Variants in BRINP2 observed in about 807,000 individuals in gnomAD.
BRINP2 encodes the protein BMP/retinoic acid inducible neural specific 2.
In BRINP2, 21 loss-of-function variants were observed where a neutral mutation model predicts 69.2. That is an observed-to-expected ratio of 0.30 (90% CI 0.22 to 0.44). BRINP2 has a LOEUF of 0.44. Among genes scored for constraint, BRINP2 ranks in the 20% least tolerant of loss-of-function variants. BRINP2 has a pLI of 1.00. For missense variants in BRINP2, 877 were observed against 986.0 expected, an observed-to-expected ratio of 0.89 and a Z score of 1.48; for synonymous variants, 380 against 394.1, an observed-to-expected ratio of 0.96 and a Z score of 0.42.
In BRINP2 at chr1:177,257,021, T is replaced by G. The variant is rs1238815918; in HGVS notation, c.461-155T>G. ...GGCCTGTGGCTCCCTCTGATGAGCT[T>G]CTTCTAAAGATGGTAAGGGCTGGGG... On this transcript the variant is annotated intron_variant, in intron 3 of 7. Coordinates refer to ENST00000361539, the MANE Select transcript of BRINP2 (RefSeq NM_021165.4). 4.6e-6 allele frequency: 7 copies of G among 1,534,542 alleles called. 1 individual carries two copies. Among genetic ancestry groups the G allele is most frequent in the South Asian group, 3.6e-5 (3 of 83,210 alleles).
At position 177,190,692 on chromosome 1, in the gene BRINP2, AGTCT is replaced by A. The variant is rs762533950; in HGVS notation, c.-77+18966_-77+18969del. ...GGACAGGAAGTGAGCATTGGGTCCC[AGTCT>A]GTCTGCTTTGATTCAGGCAAAGTGA... On this transcript the variant is annotated intron_variant, in intron 1 of 7. Transcript: ENST00000361539. Among the ~76,000 whole-genome samples, 219 of 152,342 alleles carry A rather than the reference AGTCT, an allele frequency of 1.4e-3. 1 individual carries two copies. The highest frequency in any genetic ancestry group is 5.1e-3 in the African/African-American group (213 of 41,576).
Position 177,278,681 on chromosome 1 carries a change from T to G in BRINP2, c.1131T>G (p.Ala377=). 6.2e-7 allele frequency: 1 copy of G among 1,614,230 alleles called. No individual in the cohort carries two copies. The highest frequency in any genetic ancestry group is 8.5e-7 in the Non-Finnish European group (1 of 1,180,046). Residue 377 remains alanine (A), a synonymous_variant, in exon 7 of 8, where the codon GCT becomes GCG. Coordinates refer to ENST00000361539, the MANE Select transcript of BRINP2 (RefSeq NM_021165.4). The stretch of plus-strand genomic sequence containing the variant: ...AGCACCGCTACCAGCAGCTGGGAGC[T>G]GGCTTGAAAGTGCTGTTCAAAAAGA... The part of the protein sequence containing the change: ...SLQHRYQQLG[A]GLKVLFKKTH...
chr1:177,201,277 T>C (rs1376638259), intron 1 of BRINP2, among the ~76,000 whole-genome samples: 1 of 152,240 alleles, frequency 6.6e-6, no homozygotes, highest in Non-Finnish European at 1.5e-5. Flanking sequence ...ATGGCACAGC[T>C]ATGCCTTTAG....
chr1:177,271,490 GACTCTAAA>G (rs769747631), intron 4 of BRINP2, among the ~76,000 whole-genome samples: 167 of 152,308 alleles, frequency 1.1e-3, no homozygotes, highest in Non-Finnish European at 2.1e-3. Flanking sequence ...GGAGTCTGAG[GACTCTAAA>G]GTTAGAATCC....
rs185486170 is a variant in BRINP2 at position 177,239,804 on chromosome 1, C to T, written c.269+9659C>T. Among the ~76,000 whole-genome samples the T allele has an allele frequency of 3.9e-5, 6 of 152,298 alleles. No homozygotes were observed. The South Asian group carries it at 1.2e-3, about 32-fold the overall frequency. On this transcript the variant is annotated intron_variant, in intron 2 of 7. Transcript: ENST00000361539. Reference sequence around the variant, plus strand: ...TATATTTTAAGATTTCTAGGTATAGCTGTGCACAGATTAGGGCTGTTATAT... The same window carrying T: ...TATATTTTAAGATTTCTAGGTATAGTTGTGCACAGATTAGGGCTGTTATAT...
rs1204690019 is a variant in BRINP2 at position 177,280,381 on chromosome 1, C to T, written c.1236-31C>T. 7 of 1,556,004 alleles carry T rather than the reference C, an allele frequency of 4.5e-6. No homozygotes were observed. In the South Asian group the frequency reaches 4.9e-5, roughly 11 times the overall value. On this transcript the variant is annotated intron_variant, in intron 7 of 7. Transcript: ENST00000361539. ...GGTGTCAGTGTGTGACTTCTTTTGA[C>T]TCTTACTTCATTTTATCTCTGCTCC... is the stretch of plus-strand genomic sequence containing the variant.
At chr1:177,185,249 C>T (rs1281162015) in intron 1 of BRINP2, among the ~76,000 whole-genome samples, 1 of 152,122 alleles carries the variant, frequency 6.6e-6, no homozygotes, top group Non-Finnish European at 1.5e-5. Flanking sequence ...CACATTAGAC[C>T]GGTCTGGAAA....
At chr1:177,205,625 C>A (rs371327687) in intron 1 of BRINP2, among the ~76,000 whole-genome samples, 123 of 152,342 alleles carry the variant, frequency 8.1e-4, no homozygotes, top group African/African-American at 2.7e-3. Flanking sequence ...GCTGACCACA[C>A]AGGCAGGGCC....
At chr1:177,172,894 G>A (rs1647978354) in intron 1 of BRINP2, among the ~76,000 whole-genome samples, 1 of 152,192 alleles carries the variant, frequency 6.6e-6, no homozygotes, top group Admixed American at 6.5e-5. Context: ...ACCAATCAGA[G>A]GGATAAAAGG....
chr1:177,278,514 A>G lies in BRINP2; in HGVS notation c.1013-49A>G, dbSNP rs1651575336. On this transcript the variant is annotated intron_variant, in intron 6 of 7. Transcript: ENST00000361539. ...GGCAGCGTCCACTTGCCCCTACCAGAGTTCTGCATAGCTACCCGTCAGCTC... is the reference window on the plus strand; with the variant it reads ...GGCAGCGTCCACTTGCCCCTACCAGGGTTCTGCATAGCTACCCGTCAGCTC... 4 of 1,573,338 alleles carry G rather than the reference A, an allele frequency of 2.5e-6. No homozygotes were observed. In the East Asian group the frequency reaches 9.0e-5, roughly 35 times the overall value.
intron 6 of BRINP2, among the ~76,000 whole-genome samples, chr1:177,277,569 A>G (rs76204340): frequency 0.044 from 6,617 of 151,516 alleles, 201 homozygotes; most frequent in Non-Finnish European, 0.065. Context: ...TGATTCTCCA[A>G]TCTTCTGAGG....
chr1:177,221,133 T>C (rs1316539247), intron 1 of BRINP2, among the ~76,000 whole-genome samples: 2 of 152,140 alleles, frequency 1.3e-5, no homozygotes, highest in Admixed American at 1.3e-4. Context: ...GTCATGTAAA[T>C]AGTATTAAGG....
chr1:177,278,708 C>A lies in BRINP2; in HGVS notation c.1158C>A (p.Thr386=), dbSNP rs371997603. 1 of 1,614,186 alleles carries A rather than the reference C, an allele frequency of 6.2e-7. No homozygotes were observed. Among genetic ancestry groups the A allele is most frequent in the Non-Finnish European group, 8.5e-7 (1 of 1,180,048 alleles). Residue 386 remains threonine (T), a synonymous_variant, in exon 7 of 8, where the codon ACC becomes ACA. Coordinates refer to ENST00000361539, the MANE Select transcript of BRINP2 (RefSeq NM_021165.4). ...GCTTGAAAGTGCTGTTCAAAAAGAC[C>A]CATCGGATCCTACGCCGGCTCTTCA... is the stretch of plus-strand genomic sequence containing the variant. The part of the protein sequence containing the change: ...GAGLKVLFKK[T]HRILRRLFNL...
chr1:177,237,006 G>A (rs939811358), intron 2 of BRINP2, among the ~76,000 whole-genome samples: 2 of 152,010 alleles, frequency 1.3e-5, no homozygotes, highest in East Asian at 1.9e-4. Context: ...CACTGCATGT[G>A]TAGAGAAATT....
intron 2 of BRINP2, among the ~76,000 whole-genome samples, chr1:177,250,894 G>C (rs1558177192): frequency 6.6e-6 from 1 of 152,066 alleles, no homozygotes; most frequent in African/African-American, 2.4e-5. Flanking sequence ...TAACTTATTT[G>C]TACCTCAATT....
chr1:177,267,771 G>C (rs1651174111), intron 4 of BRINP2, among the ~76,000 whole-genome samples: 1 of 152,196 alleles, frequency 6.6e-6, no homozygotes, highest in Non-Finnish European at 1.5e-5. Context: ...AAGGTGGTTA[G>C]ACAGCCCAAA....
At chr1:177,258,189 A>G (rs1391679380) in intron 4 of BRINP2, among the ~76,000 whole-genome samples, 2 of 152,334 alleles carry the variant, frequency 1.3e-5, no homozygotes, top group East Asian at 3.9e-4. Context: ...AGAGGTTTCT[A>G]GTAAAGTTCA....
At chr1:177,206,455 T>C (rs1649072479) in intron 1 of BRINP2, among the ~76,000 whole-genome samples, 1 of 152,220 alleles carries the variant, frequency 6.6e-6, no homozygotes, top group African/African-American at 2.4e-5. Context: ...CTAACATCCT[T>C]GTAGCTGAAT....
chr1:177,186,391 T>A (rs1006457764), intron 1 of BRINP2, among the ~76,000 whole-genome samples: 11 of 152,068 alleles, frequency 7.2e-5, no homozygotes, highest in Non-Finnish European at 1.3e-4. Context: ...GTAATTGCAA[T>A]TTTTTGCTAC....
Sources: gnomAD v4.1 joint callset for allele counts (sites outside exome capture counted in the v4.1 genomes callset) on GRCh38, gnomAD v4.1.1 for gene constraint, MANE v1.5 for transcripts, NCBI Gene and HGNC (gene_info 2026-07-23, HGNC 2026-07-21) for gene names.